The following SNTG1 variants were observed in gnomAD, a reference collection of about 807,000 sequenced individuals.
SNTG1 encodes the protein syntrophin gamma 1.
Under a neutral mutation model 74.7 loss-of-function variants are expected in SNTG1, and 39 were observed. That is an observed-to-expected ratio of 0.52 (90% CI 0.40 to 0.68). SNTG1 has a LOEUF of 0.68. SNTG1 is among the 30% of genes least tolerant of loss of function. SNTG1 has a pLI of 0.00. For missense variants in SNTG1, 685 were observed against 609.5 expected, an observed-to-expected ratio of 1.12 and a Z score of -1.30; for synonymous variants, 254 against 217.1, an observed-to-expected ratio of 1.17 and a Z score of -1.49.
chr8:50,747,771 C>T (rs796863691), intron 17 of SNTG1: 5 of 151,974 alleles, frequency 3.3e-5, no homozygotes, highest in African/African-American at 1.2e-4. Context: ...CTCTTTCTGA[C>T]AGGGCTCACT....
At chr8:50,530,072 A>T (rs974208826) in intron 9 of SNTG1, 105 bp from the exon 10 acceptor site, 27 of 910,648 alleles carry the variant, frequency 3.0e-5, no homozygotes, top group Non-Finnish European at 4.0e-5. Flanking sequence ...GTAATATCTG[A>T]TTTACTTGAT....
chr8:50,506,916 C>A (rs1003256807), intron 9 of SNTG1, among the ~76,000 whole-genome samples: 2 of 151,926 alleles, frequency 1.3e-5, no homozygotes, highest in Admixed American at 1.3e-4. Context: ...TTTCAGTTTT[C>A]CATTATTCAG....
At chr8:50,078,219 A>G (rs1822077279) in intron 1 of SNTG1, among the ~76,000 whole-genome samples, 1 of 151,976 alleles carries the variant, frequency 6.6e-6, no homozygotes, top group Admixed American at 6.6e-5. Context: ...TACATCTTCC[A>G]CCTTTTCTTT....
At chr8:50,162,578 G>GA (rs1188032481) in intron 1 of SNTG1, among the ~76,000 whole-genome samples, 84 of 136,334 alleles carry the variant, frequency 6.2e-4, no homozygotes, top group African/African-American at 2.0e-3. Flanking sequence ...AAAAAAAAAA[G>GA]AAAAAAAAAG....
chr8:50,660,174 T>G (rs2095210893), intron 15 of SNTG1, among the ~76,000 whole-genome samples: 1 of 144,560 alleles, frequency 6.9e-6, no homozygotes. Context: ...ACTCATGTAA[T>G]TAGGGGAAGA....
At chr8:49,914,082 C>T (rs1805812390) in intron 1 of SNTG1, among the ~76,000 whole-genome samples, 1 of 152,090 alleles carries the variant, frequency 6.6e-6, no homozygotes, top group Admixed American at 6.5e-5. Flanking sequence ...GGGAAATGTC[C>T]TTACATTGAG....
intron 13 of SNTG1, among the ~76,000 whole-genome samples, chr8:50,596,101 T>C (rs1387367920): frequency 6.6e-6 from 1 of 152,054 alleles, no homozygotes; most frequent in African/African-American, 2.4e-5. Context: ...AGGGTAAAGA[T>C]AATCTCGTAG....
At chr8:49,914,956 T>C (rs1393486130) in intron 1 of SNTG1, 4 of 152,198 alleles carry the variant, frequency 2.6e-5, no homozygotes, top group African/African-American at 9.6e-5. Flanking sequence ...TCTTATTTGG[T>C]GTTTTCTTCC....
chr8:50,387,347 G>A (rs962146327), intron 2 of SNTG1, among the ~76,000 whole-genome samples: 1 of 152,134 alleles, frequency 6.6e-6, no homozygotes, highest in South Asian at 2.1e-4. Context: ...CAAGTCGAAA[G>A]GTGCATTCTC....
chr8:50,379,174 G>C (rs1294513047), intron 2 of SNTG1, among the ~76,000 whole-genome samples: 1 of 152,216 alleles, frequency 6.6e-6, no homozygotes, highest in Non-Finnish European at 1.5e-5. Context: ...CAAAGGGCTG[G>C]TGTGGCAGCA....
chr8:50,223,281 T>G (rs894893705), intron 2 of SNTG1, among the ~76,000 whole-genome samples: 1 of 152,024 alleles, frequency 6.6e-6, no homozygotes, highest in Non-Finnish European at 1.5e-5. Flanking sequence ...AATTCTACAC[T>G]AAAAGAACAA....
chr8:50,053,117 T>A (rs923990734), intron 1 of SNTG1, among the ~76,000 whole-genome samples: 1 of 152,074 alleles, frequency 6.6e-6, no homozygotes. Flanking sequence ...TTAACAGAAA[T>A]GCTTTTACAA....
At chr8:50,131,966 C>G (rs1484994166) in intron 1 of SNTG1, among the ~76,000 whole-genome samples, 1 of 151,882 alleles carries the variant, frequency 6.6e-6, no homozygotes, top group Non-Finnish European at 1.5e-5. Context: ...TGTTATATAC[C>G]TGTTGGAGAT....
intron 2 of SNTG1, among the ~76,000 whole-genome samples, chr8:50,302,460 C>G (rs1190517582): frequency 6.6e-6 from 1 of 152,112 alleles, no homozygotes; most frequent in African/African-American, 2.4e-5. Flanking sequence ...CTGCCACCTT[C>G]TGTAGTGAGT....
At chr8:50,274,671 T>C (rs2087993088) in intron 2 of SNTG1, among the ~76,000 whole-genome samples, 1 of 152,148 alleles carries the variant, frequency 6.6e-6, no homozygotes, top group Non-Finnish European at 1.5e-5. Flanking sequence ...TCGTGAAGTA[T>C]GATGTTAGTT....
chr8:50,751,246 C>T (rs532578459), intron 17 of SNTG1, among the ~76,000 whole-genome samples: 37 of 152,000 alleles, frequency 2.4e-4, no homozygotes, highest in African/African-American at 8.7e-4. Context: ...TGATTTATAT[C>T]TTTGGTGTTT....
chr8:50,080,455 A>G (rs1233873216), intron 1 of SNTG1, among the ~76,000 whole-genome samples: 1 of 152,128 alleles, frequency 6.6e-6, no homozygotes, highest in Admixed American at 6.5e-5. Flanking sequence ...GCACATTCAC[A>G]TTTAAACTTG....
intron 2 of SNTG1, among the ~76,000 whole-genome samples, chr8:50,308,977 A>G (rs1376916501): frequency 6.6e-6 from 1 of 152,174 alleles, no homozygotes; most frequent in Non-Finnish European, 1.5e-5. Flanking sequence ...TGATCTACAC[A>G]TCAAAGATGA....
At chr8:50,274,456 A>AT (rs1391348897) in intron 2 of SNTG1, among the ~76,000 whole-genome samples, 1 of 151,940 alleles carries the variant, frequency 6.6e-6, no homozygotes, top group Non-Finnish European at 1.5e-5. Context: ...TATTATTGGG[A>AT]TTTTTTACAT....
Sources: gnomAD v4.1 joint callset for allele counts (sites outside exome capture counted in the v4.1 genomes callset) on GRCh38, gnomAD v4.1.1 for gene constraint, MANE v1.5 for transcripts, NCBI Gene and HGNC (gene_info 2026-07-23, HGNC 2026-07-21) for gene names.